Variants in CACNA1C observed in about 807,000 individuals in gnomAD.
The protein encoded by CACNA1C is calcium voltage-gated channel subunit alpha1 C, also known as voltage-dependent L-type calcium channel subunit alpha-1C.
A neutral mutation model predicts 229.0 loss-of-function variants in CACNA1C; 30 were observed. The observed-to-expected ratio is 0.13, with a 90% confidence interval of 0.10 to 0.18. CACNA1C has a LOEUF of 0.18. CACNA1C is among the 10% of genes least tolerant of loss of function. The pLI is 1.00. For missense variants in CACNA1C, 1,658 were observed against 2,845.0 expected (o/e 0.58, Z 9.49); for synonymous variants, 1,114 against 1,132.5 (o/e 0.98, Z 0.33).
At chr12:2,099,740 G>A (rs1395592635) in intron 1 of CACNA1C, among the ~76,000 whole-genome samples, 3 of 151,952 alleles carry the variant, frequency 2.0e-5, no homozygotes, top group Middle Eastern at 3.2e-3. Context: ...GCCCAGCCAC[G>A]GACAGTCCCA....
chr12:2,043,152 A>C (rs1338378464), intron 1 of CACNA1C, among the ~76,000 whole-genome samples: 3 of 152,258 alleles, frequency 2.0e-5, no homozygotes, highest in Non-Finnish European at 4.4e-5. Context: ...CCTATGAATT[A>C]GAATCATTGA....
intron 3 of CACNA1C, among the ~76,000 whole-genome samples, chr12:2,165,311 A>T (rs1450984834): frequency 6.6e-6 from 1 of 152,236 alleles, no homozygotes; most frequent in East Asian, 1.9e-4. Flanking sequence ...TCTTGAGGTG[A>T]TTTGCTAAGG....
intron 30 of CACNA1C, among the ~76,000 whole-genome samples, chr12:2,637,667 C>T (rs985900748): frequency 6.6e-5 from 10 of 152,238 alleles, no homozygotes; most frequent in South Asian, 2.1e-4. Context: ...AGCGTATGGG[C>T]GGCCCCAGCA....
intron 3 of CACNA1C, among the ~76,000 whole-genome samples, chr12:2,279,938 C>G (rs975854054): frequency 6.6e-6 from 1 of 152,162 alleles, no homozygotes; most frequent in Non-Finnish European, 1.5e-5. Flanking sequence ...GAGGTGTGTC[C>G]TAGAATCAAT....
chr12:2,180,722 A>G (rs1337774872), intron 3 of CACNA1C, among the ~76,000 whole-genome samples: 1 of 152,220 alleles, frequency 6.6e-6, no homozygotes, highest in African/African-American at 2.4e-5. Context: ...AGCGTGTCCC[A>G]GAATCAGCTG....
intron 1 of CACNA1C, among the ~76,000 whole-genome samples, chr12:2,031,299 C>G (rs892630006): frequency 6.6e-6 from 1 of 152,156 alleles, no homozygotes; most frequent in South Asian, 2.1e-4. Context: ...AACCAAAACT[C>G]GTGGCACTCA....
At chr12:2,049,065 T>A (rs892369449), upstream of CACNA1C, 8 of 152,274 alleles carry the variant, frequency 5.3e-5, no homozygotes, top group Non-Finnish European at 1.0e-4. Flanking sequence ...GACTTGTTTT[T>A]CTTTTAATGT....
intron 3 of CACNA1C, among the ~76,000 whole-genome samples, chr12:2,249,722 GC>G (rs1172976039): frequency 2.0e-5 from 3 of 152,002 alleles, no homozygotes; most frequent in African/African-American, 7.3e-5. Flanking sequence ...CTAGTCTAGG[GC>G]TCACTCGGCC....
chr12:2,447,077 G>A (rs1425434464), intron 3 of CACNA1C, among the ~76,000 whole-genome samples: 4 of 152,120 alleles, frequency 2.6e-5, no homozygotes, highest in Non-Finnish European at 5.9e-5. Flanking sequence ...AACCATCATG[G>A]GTTGGGGATA....
At chr12:2,343,534 A>G (rs1720498909) in intron 3 of CACNA1C, among the ~76,000 whole-genome samples, 1 of 151,714 alleles carries the variant, frequency 6.6e-6, no homozygotes, top group Admixed American at 6.6e-5. Flanking sequence ...ACTTATACTG[A>G]AAAAAAAATT....
At position 2,237,088 on chromosome 12, in the gene CACNA1C, G is replaced by A. The variant is rs11614966; in HGVS notation, c.477+116658G>A. 0.045 allele frequency among the ~76,000 whole-genome samples: 6,863 copies of A among 152,312 alleles called. 185 individuals are homozygous for A. The highest frequency in any genetic ancestry group is 0.068 in the Middle Eastern group (20 of 294). On this transcript the variant is annotated intron_variant, in intron 3 of 46. Coordinates refer to ENST00000399655, the MANE Select transcript of CACNA1C (RefSeq NM_000719.7). Reference sequence around the variant, plus strand: ...TTTGGTGTATCTGCTTGCTTGTCGTGTGGGGCATATGCCAAGTCCAGTAGT... The same window carrying A: ...TTTGGTGTATCTGCTTGCTTGTCGTATGGGGCATATGCCAAGTCCAGTAGT...
rs78170230 is a variant in CACNA1C at position 2,398,028 on chromosome 12, G to A, written c.478-50948G>A. 9.6e-3 allele frequency among the ~76,000 whole-genome samples: 1,465 copies of A among 152,368 alleles called. 13 individuals are homozygous for A. The highest frequency in any genetic ancestry group is 0.016 in the Non-Finnish European group (1,083 of 68,040). ...CTGAATCTCCATCACTGGCCCGAGG[G>A]CAGGCCCAGGCTTGAAATAAACTCA... On this transcript the variant is annotated intron_variant, in intron 3 of 46. Transcript: ENST00000399655.
intron 9 of CACNA1C, among the ~76,000 whole-genome samples, chr12:2,520,103 G>A (rs2099806752): frequency 6.6e-6 from 1 of 151,404 alleles, no homozygotes; most frequent in Non-Finnish European, 1.5e-5. Context: ...TTGCCCAATG[G>A]CCGTGTGCTT....
intron 1 of CACNA1C, among the ~76,000 whole-genome samples, chr12:1,996,643 AAAAAAAAAAAAAC>A (rs1319623642): frequency 0.048 from 4,871 of 102,246 alleles, 309 homozygotes; most frequent in East Asian, 0.091. Flanking sequence ...AAAAAAAAAA[AAAAAAAAAAAAAC>A]AACAAACTCT....
chr12:2,090,060 T>A (rs1238060345), intron 1 of CACNA1C, among the ~76,000 whole-genome samples: 2 of 151,898 alleles, frequency 1.3e-5, no homozygotes, highest in Admixed American at 1.3e-4. Context: ...AAATTGTAAC[T>A]ACACACCCAT....
chr12:2,446,925 A>G (rs2099300164), intron 3 of CACNA1C, among the ~76,000 whole-genome samples: 1 of 152,144 alleles, frequency 6.6e-6, no homozygotes, highest in Admixed American at 6.5e-5. Context: ...AGCAACTAGC[A>G]CATATGAAAG....
intron 5 of CACNA1C, among the ~76,000 whole-genome samples, chr12:2,471,665 T>G (rs1166209584): frequency 1.3e-5 from 2 of 152,152 alleles, no homozygotes; most frequent in Non-Finnish European, 2.9e-5. Context: ...TTCCACTGTC[T>G]CTGATGAGAA....
intron 13 of CACNA1C, among the ~76,000 whole-genome samples, chr12:2,573,025 T>C (rs2057006228): frequency 6.6e-6 from 1 of 150,610 alleles, no homozygotes. Context: ...CTCCTCCTTC[T>C]TCTTCCTTTT....
chr12:2,316,031 A>G (rs1013418030), intron 3 of CACNA1C, among the ~76,000 whole-genome samples: 18 of 152,324 alleles, frequency 1.2e-4, no homozygotes, highest in African/African-American at 4.1e-4. Context: ...GGTAAGAATA[A>G]CCATAAGTTA....
Sources: gnomAD v4.1 joint callset for allele counts (sites outside exome capture counted in the v4.1 genomes callset) on GRCh38, gnomAD v4.1.1 for gene constraint, MANE v1.5 for transcripts, NCBI Gene and HGNC (gene_info 2026-07-23, HGNC 2026-07-21) for gene names.